The following DHTKD1 variants were observed in gnomAD, a reference collection of about 807,000 sequenced individuals.
DHTKD1 encodes 2-oxoadipate dehydrogenase complex component E1.
Under a neutral mutation model 101.8 loss-of-function variants are expected in DHTKD1, and 78 were observed. That is an observed-to-expected ratio of 0.77 (90% confidence interval 0.64 to 0.93). The LOEUF (loss-of-function observed/expected upper bound fraction) is 0.93, where lower values mean the gene tolerates loss of function less well. Ranked by LOEUF, DHTKD1 falls within the 40% of genes least tolerant of loss-of-function variation. The probability of loss-of-function intolerance (pLI) is 0.00; values close to 1 mark genes in which losing one functional copy is unlikely to be tolerated. For synonymous variants in DHTKD1, 462 were observed against 450.3 expected, an observed-to-expected ratio of 1.03 and a Z score of -0.33; for missense variants, 1,223 against 1,161.7, an observed-to-expected ratio of 1.05 and a Z score of -0.77.
intron 2 of DHTKD1, among the ~76,000 whole-genome samples, 178 bp from the exon 3 acceptor site, chr10:12,084,362 T>C (rs1588605617): frequency 6.6e-6 from 1 of 152,004 alleles, no homozygotes; most frequent in East Asian, 1.9e-4. Context: ...TAGGAAACAA[T>C]AATCTCTGGT....
chr10:12,076,151 T>C (rs559833488), intron 1 of DHTKD1, among the ~76,000 whole-genome samples: 28 of 152,328 alleles, frequency 1.8e-4, no homozygotes, highest in African/African-American at 6.0e-4. Context: ...AGTGAGTGCA[T>C]CAGGCAGCAA....
intron 12 of DHTKD1, among the ~76,000 whole-genome samples, chr10:12,111,388 AC>A (rs1219921725): frequency 5.3e-5 from 8 of 151,820 alleles, no homozygotes; most frequent in Admixed American, 4.6e-4. Flanking sequence ...CTGCTCTTGA[AC>A]CCCTGACCTC....
chr10:12,106,199 T>C (rs781311007), intron 10 of DHTKD1, 47 bp from the exon 11 acceptor site: 4 of 1,609,442 alleles, frequency 2.5e-6, no homozygotes, highest in Non-Finnish European at 3.4e-6. Flanking sequence ...CCCAGTGCTC[T>C]GCCGTGGCCC....
At chr10:12,080,705 T>G (rs1832802781) in intron 1 of DHTKD1, among the ~76,000 whole-genome samples, 1 of 115,694 alleles carries the variant, frequency 8.6e-6, no homozygotes, top group Non-Finnish European at 2.0e-5. Flanking sequence ...AGCAAGACAA[T>G]GTCTGAAAAA....
intron 11 of DHTKD1, among the ~76,000 whole-genome samples, chr10:12,106,987 CTTT>C (rs1184296488): frequency 4.2e-5 from 6 of 141,624 alleles, no homozygotes; most frequent in Non-Finnish European, 3.1e-5. Flanking sequence ...TTTTTCTTTT[CTTT>C]TTTTTTTTTT....
At position 12,107,599 on chromosome 10, in the gene DHTKD1, G is replaced by A. The variant is rs186508947; in HGVS notation, c.2048-310G>A. Among the ~76,000 whole-genome samples the A allele has an allele frequency of 1.6e-3, 238 of 151,936 alleles. 6 individuals carry two copies. The East Asian group carries it at 0.037, about 23-fold the overall frequency. ...CAGCTGGCTAATTTTTGTATTTTTA[G>A]TAGAGACGGGGTTTCACCATGTTGG... On this transcript the variant is annotated intron_variant, in intron 11 of 16. Transcript: ENST00000263035. The surrounding 1 kb of genome is among the most constrained non-coding windows in gnomAD (Gnocchi z 4.1).
chr10:12,083,624 C>T (rs1309136880), intron 2 of DHTKD1, among the ~76,000 whole-genome samples: 1 of 151,900 alleles, frequency 6.6e-6, no homozygotes, highest in Non-Finnish European at 1.5e-5. Flanking sequence ...GTCCCAGCTA[C>T]TCGGGAGGCT....
intron 1 of DHTKD1, among the ~76,000 whole-genome samples, chr10:12,072,492 TAAATA>T (rs944424432): frequency 1.3e-5 from 2 of 148,298 alleles, no homozygotes; most frequent in African/African-American, 4.9e-5. Flanking sequence ...AATAAATAAA[TAAATA>T]AATAAATACA....
At chr10:12,099,932 A>G (rs1833132291) in intron 8 of DHTKD1, among the ~76,000 whole-genome samples, 1 of 150,542 alleles carries the variant, frequency 6.6e-6, no homozygotes, top group African/African-American at 2.4e-5. Context: ...AGTAGCTGGT[A>G]TCATAGAGAC....
chr10:12,101,137 A>C lies in DHTKD1; in HGVS notation c.1852A>C (p.Ile618Leu). The change falls in exon 10 of 17, where the codon ATC becomes CTC. Residue 618 changes from isoleucine to leucine, a missense_variant. Ile to Leu is a conservative substitution (Grantham distance 5). Transcript: ENST00000263035. ...TTGCCAGGAGACGGATGACACCTACATCCCCCTGAACCATATGGACCCAAA... is the reference window on the plus strand; with the variant it reads ...TTGCCAGGAGACGGATGACACCTACCTCCCCCTGAACCATATGGACCCAAA... ...VVCQETDDTYIPLNHMDPNQK... is the reference protein window; with the variant it reads ...VVCQETDDTYLPLNHMDPNQK... 6.2e-7 allele frequency: 1 copy of C among 1,614,168 alleles called. No homozygotes were observed. Among genetic ancestry groups the C allele is most frequent in the Non-Finnish European group, 8.5e-7 (1 of 1,180,034 alleles).
chr10:12,100,287 G>GTTTTTTTTTTGT, intron 9 of DHTKD1, 25 bp downstream of exon 9: 1 of 269,862 alleles, frequency 3.7e-6, no homozygotes. Flanking sequence ...TTTTTTTTCT[G>GTTTTTTTTTTGT]TTTTTTTTTT....
intron 4 of DHTKD1, among the ~76,000 whole-genome samples, chr10:12,088,735 C>T (rs1564391228): frequency 6.6e-6 from 1 of 151,962 alleles, no homozygotes; most frequent in South Asian, 2.1e-4. Flanking sequence ...AGGTACCTGC[C>T]ACCACACCCA....
intron 1 of DHTKD1, among the ~76,000 whole-genome samples, chr10:12,071,098 A>G (rs1213409826): frequency 6.6e-6 from 1 of 152,188 alleles, no homozygotes; most frequent in African/African-American, 2.4e-5. Flanking sequence ...AGGCTCTGTT[A>G]GGGCAGCAAC....
chr10:12,114,299 A>T lies in DHTKD1; in HGVS notation c.2319+1235A>T, dbSNP rs563903664. Among the ~76,000 whole-genome samples the T allele has an allele frequency of 1.7e-4, 24 of 144,844 alleles. No individual in the cohort carries two copies. The East Asian group carries it at 2.2e-3, about 13-fold the overall frequency. ...GAGTTTTAATTAGAATTAGTATTAA[A>T]TTTTTTTTTTTTTTTGAGACGGAGT... On this transcript the variant is annotated intron_variant, in intron 13 of 16. Transcript: ENST00000263035.
chr10:12,101,228 C>T (rs757390088), intron 10 of DHTKD1, 47 bp downstream of exon 10: 1 of 1,578,492 alleles, frequency 6.3e-7, no homozygotes. Context: ...CCAACGATTA[C>T]ACTTCCAGGA....
chr10:12,071,728 A>G (rs1400207376), intron 1 of DHTKD1, among the ~76,000 whole-genome samples: 2 of 152,026 alleles, frequency 1.3e-5, no homozygotes, highest in Non-Finnish European at 2.9e-5. Flanking sequence ...GGGTCTTGCC[A>G]TGTTGCCCAG....
chr10:12,111,483 G>C (rs555414880), intron 12 of DHTKD1, among the ~76,000 whole-genome samples: 1 of 152,138 alleles, frequency 6.6e-6, no homozygotes, highest in Non-Finnish European at 1.5e-5. Context: ...TGTGTTAAAG[G>C]TAGGAAATAA....
chr10:12,117,344 C>T (rs182090343), intron 13 of DHTKD1, among the ~76,000 whole-genome samples: 1 of 141,230 alleles, frequency 7.1e-6, no homozygotes, highest in Non-Finnish European at 1.5e-5. Context: ...AGGCAAGGCA[C>T]CAGTGGGGAT....
intron 1 of DHTKD1, among the ~76,000 whole-genome samples, chr10:12,069,505 C>G (rs1427515393): frequency 6.9e-6 from 1 of 144,036 alleles, no homozygotes; most frequent in Non-Finnish European, 1.5e-5. Flanking sequence ...TTTTTTCTTT[C>G]TCTTTTTGTT....
Sources: gnomAD v4.1 joint callset for allele counts (sites outside exome capture counted in the v4.1 genomes callset) on GRCh38, gnomAD v4.1.1 for gene constraint, Gnocchi (gnomAD v3.1) non-coding constraint, MANE v1.5 for transcripts, NCBI Gene and HGNC (gene_info 2026-07-23, HGNC 2026-07-21) for gene names.